LPP: variants seen among roughly 807,000 people sequenced by gnomAD.
LPP encodes lipoma-preferred partner.
LPP carries 38 observed loss-of-function variants against 60.4 expected under a neutral mutation model. That is an observed-to-expected ratio of 0.63 (90% CI 0.49 to 0.83). The LOEUF is 0.83. Ranked by LOEUF, LPP falls within the 40% of genes least tolerant of loss-of-function variation. The pLI, the probability that LPP is intolerant of heterozygous loss-of-function variation, is 0.00. For missense variants in LPP, 902 were observed against 783.6 expected (o/e 1.15, Z -1.80); for synonymous variants, 328 against 290.8 (o/e 1.13, Z -1.30).
chr3:188,575,683 C>T (rs191954903), intron 6 of LPP, among the ~76,000 whole-genome samples: 5 of 152,170 alleles, frequency 3.3e-5, no homozygotes, highest in East Asian at 1.9e-4. Context: ...GGCAAGAACA[C>T]GGTTACCCTG....
At chr3:188,693,216 C>A (rs749925525) in intron 7 of LPP, among the ~76,000 whole-genome samples, 1 of 152,088 alleles carries the variant, frequency 6.6e-6, no homozygotes, top group African/African-American at 2.4e-5. Flanking sequence ...CCAGAATGGT[C>A]GGGTACAAAT....
intron 7 of LPP, among the ~76,000 whole-genome samples, chr3:188,639,708 A>G (rs1440384886): frequency 6.6e-6 from 1 of 152,090 alleles, no homozygotes; most frequent in Non-Finnish European, 1.5e-5. Context: ...TGGGCGAAGG[A>G]CATGAACAGA....
intron 8 of LPP, among the ~76,000 whole-genome samples, chr3:188,713,747 TC>T (rs1222436262): frequency 6.6e-6 from 1 of 152,092 alleles, no homozygotes. Context: ...CTATAAGGAC[TC>T]CCCTCCTCTC....
intron 2 of LPP, among the ~76,000 whole-genome samples, chr3:188,260,333 G>T (rs1391034734): frequency 6.6e-6 from 1 of 152,156 alleles, no homozygotes; most frequent in African/African-American, 2.4e-5. Flanking sequence ...GTGAGCCACT[G>T]TGCCTGGCCA....
intron 9 of LPP, among the ~76,000 whole-genome samples, chr3:188,865,257 T>C (rs1766297490): frequency 6.6e-6 from 1 of 152,208 alleles, no homozygotes; most frequent in South Asian, 2.1e-4. Context: ...AACTGGTGTC[T>C]CTTTTAAGGG....
intron 9 of LPP, among the ~76,000 whole-genome samples, chr3:188,786,059 G>A (rs1326609056): frequency 2.0e-5 from 3 of 151,966 alleles, no homozygotes; most frequent in Admixed American, 2.0e-4. Flanking sequence ...AGTTTGACTT[G>A]CTTTTCTCAA....
chr3:188,698,633 C>T (rs1036216239), intron 7 of LPP, among the ~76,000 whole-genome samples: 34 of 152,156 alleles, frequency 2.2e-4, no homozygotes, highest in African/African-American at 5.1e-4. Context: ...TTCTGCTCTG[C>T]GACTCGCTTT....
At chr3:188,653,052 C>T (rs1323285295) in intron 7 of LPP, among the ~76,000 whole-genome samples, 1 of 152,210 alleles carries the variant, frequency 6.6e-6, no homozygotes, top group African/African-American at 2.4e-5. Flanking sequence ...ACTGCCAATT[C>T]TTGCCTCAAG....
intron 8 of LPP, among the ~76,000 whole-genome samples, chr3:188,725,780 T>C (rs999087093): frequency 1.3e-5 from 2 of 152,106 alleles, no homozygotes; most frequent in African/African-American, 4.8e-5. Context: ...TTTGGTGATA[T>C]GGGAGGAAAG....
chr3:188,521,851 G>A (rs1183079831), intron 5 of LPP, among the ~76,000 whole-genome samples: 1 of 152,154 alleles, frequency 6.6e-6, no homozygotes, highest in Non-Finnish European at 1.5e-5. Flanking sequence ...CTATCTAAGA[G>A]TATGTGGAAA....
At chr3:188,332,424 AT>A (rs1311636625) in intron 2 of LPP, among the ~76,000 whole-genome samples, 1 of 152,212 alleles carries the variant, frequency 6.6e-6, no homozygotes, top group Non-Finnish European at 1.5e-5. Flanking sequence ...AGTTCAATTA[AT>A]TTCAATTTCA....
chr3:188,786,929 C>T (rs1342584005), intron 9 of LPP, among the ~76,000 whole-genome samples: 1 of 152,056 alleles, frequency 6.6e-6, no homozygotes, highest in African/African-American at 2.4e-5. Flanking sequence ...GGATGGGAGA[C>T]AAGAAGTCAG....
In LPP at chr3:188,877,308, A is replaced by G. The variant is rs1420675059; in HGVS notation, c.*2829A>G. ...ATATCATAATTGTTGTGGTTTAAAT[A>G]CATAAATAGTAGAAAAATCAGAGTC... On this transcript the variant is annotated 3_prime_UTR_variant, in exon 12 of 12. Coordinates refer to ENST00000617246, the MANE Select transcript of LPP (RefSeq NM_001375462.1). 1 of 178,552 alleles carries G rather than the reference A, an allele frequency of 5.6e-6. No individual in the cohort carries two copies. The highest frequency in any genetic ancestry group is 9.4e-5 in the East Asian group (1 of 10,676). 11.1% of individuals were successfully genotyped at this position (178,552 alleles called of 1,614,324 possible). A position where few individuals can be genotyped will look rare whatever the true frequency, so the allele number is the denominator to read the frequency against.
At chr3:188,179,878 C>T in intron 1 of LPP, 1 of 248,124 alleles carries the variant, frequency 4.0e-6, no homozygotes, top group South Asian at 4.6e-5. Context: ...TTTTGCATGG[C>T]ATCTGTGCCT....
chr3:188,863,102 A>G (rs1391028911), intron 9 of LPP, among the ~76,000 whole-genome samples: 1 of 152,224 alleles, frequency 6.6e-6, no homozygotes, highest in African/African-American at 2.4e-5. Context: ...GCCCCTTTCA[A>G]ACCTCTGATA....
intron 7 of LPP, among the ~76,000 whole-genome samples, chr3:188,625,230 T>A (rs867122799): frequency 6.6e-6 from 1 of 152,176 alleles, no homozygotes; most frequent in Non-Finnish European, 1.5e-5. Context: ...GAAATAAATA[T>A]GTTGCCTTTG....
At chr3:188,699,077 T>C (rs577057999) in intron 7 of LPP, among the ~76,000 whole-genome samples, 1 of 152,338 alleles carries the variant, frequency 6.6e-6, no homozygotes, top group Admixed American at 6.5e-5. Context: ...TGATATTTAA[T>C]ATGTTACAAA....
chr3:188,757,326 G>A (rs1214710291), intron 8 of LPP, among the ~76,000 whole-genome samples: 1 of 152,152 alleles, frequency 6.6e-6, no homozygotes, highest in Non-Finnish European at 1.5e-5. Flanking sequence ...CCATTTCAAA[G>A]CTTATCTTTT....
intron 2 of LPP, among the ~76,000 whole-genome samples, chr3:188,240,897 G>A (rs1724356127): frequency 6.6e-6 from 1 of 152,204 alleles, no homozygotes; most frequent in Admixed American, 6.5e-5. Flanking sequence ...AAAGTTCCGT[G>A]TGGAGAGCAA....
Sources: allele counts gnomAD v4.1 joint callset (sites outside exome capture counted in the v4.1 genomes callset), GRCh38; gene constraint gnomAD v4.1.1; transcripts MANE v1.5; gene names NCBI Gene and HGNC (gene_info 2026-07-23, HGNC 2026-07-21).